The following ATF7IP variants were observed in gnomAD, a reference collection of about 807,000 sequenced individuals.
The protein encoded by ATF7IP is activating transcription factor 7-interacting protein 1.
ATF7IP carries 23 observed loss-of-function variants against 106.4 expected under a neutral mutation model. That is an observed-to-expected ratio of 0.22 (90% CI 0.16 to 0.31). ATF7IP has a LOEUF of 0.31. Ranked by LOEUF, ATF7IP falls within the 10% of genes least tolerant of loss-of-function variation. ATF7IP has a pLI of 1.00. For missense variants in ATF7IP, 1,334 were observed against 1,524.3 expected (o/e 0.88, Z 2.08); for synonymous variants, 542 against 539.0 (o/e 1.01, Z -0.08).
intron 5 of ATF7IP, among the ~76,000 whole-genome samples, chr12:14,441,769 G>A (rs1591868111): frequency 6.6e-6 from 1 of 152,030 alleles, no homozygotes; most frequent in African/African-American, 2.4e-5. Flanking sequence ...GATTACAGGC[G>A]TGAGCCACCG....
chr12:14,366,487 A>G (rs574619100), intron 1 of ATF7IP, among the ~76,000 whole-genome samples: 1 of 152,350 alleles, frequency 6.6e-6, no homozygotes, highest in East Asian at 1.9e-4. Context: ...ATATTGGGGG[A>G]ACGGGAATAG....
intron 13 of ATF7IP, 77 bp downstream of exon 13, chr12:14,481,262 A>G (rs778458639): frequency 7.9e-6 from 12 of 1,528,450 alleles, no homozygotes; most frequent in Admixed American, 6.1e-5. Context: ...GCATATAATA[A>G]TGTTAAATTT....
chr12:14,433,983 G>GT (rs1404233646), intron 2 of ATF7IP, among the ~76,000 whole-genome samples: 1 of 152,034 alleles, frequency 6.6e-6, no homozygotes, highest in Non-Finnish European at 1.5e-5. Context: ...CACTATTTTA[G>GT]TTTTAATTAT....
chr12:14,406,060 T>C (rs1310177214), intron 1 of ATF7IP, among the ~76,000 whole-genome samples: 4 of 152,184 alleles, frequency 2.6e-5, no homozygotes, highest in Non-Finnish European at 5.9e-5. Context: ...TAAAGTGATA[T>C]TTGATATATG....
At chr12:14,441,755 C>T (rs1160931533) in intron 5 of ATF7IP, among the ~76,000 whole-genome samples, 1 of 152,172 alleles carries the variant, frequency 6.6e-6, no homozygotes, top group African/African-American at 2.4e-5. Context: ...TCCCAAAGTG[C>T]TGGGATTACA....
chr12:14,435,401 CATA>C (rs1232544188), intron 3 of ATF7IP, among the ~76,000 whole-genome samples: 1 of 152,106 alleles, frequency 6.6e-6, no homozygotes, highest in Non-Finnish European at 1.5e-5. Flanking sequence ...GGCATGGTCA[CATA>C]AGAGCATTTG....
chr12:14,495,822 G>GC (rs1452337936), intron 13 of ATF7IP, among the ~76,000 whole-genome samples: 1 of 152,080 alleles, frequency 6.6e-6, no homozygotes, highest in Non-Finnish European at 1.5e-5. Flanking sequence ...CTCCATTATG[G>GC]CCATTTACCT....
intron 12 of ATF7IP, among the ~76,000 whole-genome samples, chr12:14,479,770 C>T (rs1387463259): frequency 6.6e-6 from 1 of 151,346 alleles, no homozygotes; most frequent in Non-Finnish European, 1.5e-5. Flanking sequence ...AAGAATGTGC[C>T]TATGTGACTT....
intron 10 of ATF7IP, 28 bp from the exon 11 acceptor site, chr12:14,475,862 T>G (rs1407640053): frequency 5.0e-6 from 8 of 1,584,238 alleles, no homozygotes; most frequent in African/African-American, 1.4e-5. Context: ...GAGTTTTCTT[T>G]GTAAAATGTA....
intron 11 of ATF7IP, among the ~76,000 whole-genome samples, chr12:14,477,585 T>C (rs1174588546): frequency 6.6e-6 from 1 of 152,222 alleles, no homozygotes; most frequent in Non-Finnish European, 1.5e-5. Context: ...TGGGGTCTTT[T>C]TGTTGCCCCA....
intron 1 of ATF7IP, among the ~76,000 whole-genome samples, chr12:14,392,019 C>T (rs1004496826): frequency 2.6e-5 from 4 of 152,108 alleles, no homozygotes; most frequent in Non-Finnish European, 4.4e-5. Context: ...CCATGCCTGG[C>T]CAAGTCTTAG....
intron 1 of ATF7IP, among the ~76,000 whole-genome samples, chr12:14,399,794 G>T (rs577812719): frequency 1.2e-4 from 19 of 152,098 alleles, no homozygotes; most frequent in African/African-American, 4.1e-4. Context: ...AGTGTTTTTT[G>T]TGGGATTTGG....
chr12:14,470,204 AT>A (rs1364404555), intron 10 of ATF7IP, among the ~76,000 whole-genome samples: 2 of 152,166 alleles, frequency 1.3e-5, no homozygotes, highest in African/African-American at 4.8e-5. Context: ...CTTTCTTCAC[AT>A]TTGCTGAAGT....
intron 5 of ATF7IP, among the ~76,000 whole-genome samples, chr12:14,446,771 T>C (rs948964720): frequency 6.6e-5 from 10 of 152,228 alleles, no homozygotes; most frequent in African/African-American, 2.4e-4. Context: ...TAAGAGTGTT[T>C]ACATCTGAGT....
At chr12:14,416,182 A>G (rs568480486) in intron 1 of ATF7IP, among the ~76,000 whole-genome samples, 2 of 152,320 alleles carry the variant, frequency 1.3e-5, no homozygotes, top group East Asian at 1.9e-4. Flanking sequence ...ATAAAATCAT[A>G]CAGTTTTCAA....
At chr12:14,468,349 A>G (rs1316511743) in intron 10 of ATF7IP, among the ~76,000 whole-genome samples, 1 of 151,680 alleles carries the variant, frequency 6.6e-6, no homozygotes, top group Non-Finnish European at 1.5e-5. Flanking sequence ...ATATAATATA[A>G]GACACTTGAG....
At chr12:14,408,326 G>T (rs575512766) in intron 1 of ATF7IP, among the ~76,000 whole-genome samples, 4 of 151,912 alleles carry the variant, frequency 2.6e-5, no homozygotes, top group Admixed American at 6.6e-5. Flanking sequence ...TTTTATATTC[G>T]CATCTATTCT....
intron 1 of ATF7IP, among the ~76,000 whole-genome samples, chr12:14,376,638 A>G (rs533206005): frequency 1.3e-5 from 2 of 152,296 alleles, no homozygotes; most frequent in African/African-American, 4.8e-5. Context: ...CAGTACCTAT[A>G]ATTGTAGGGT....
Position 14,424,948 on chromosome 12 carries a change from A to G in ATF7IP, c.1033A>G (p.Ile345Val). The stretch of plus-strand genomic sequence containing the variant: ...TGAGAAAAATAAAGCTGATAATAAT[A>G]TTGATGCTAATGAAGAAACTCTAGA... The part of the protein sequence containing the change: ...LDEKNKADNN[I>V]DANEETLETD... Residue 345 changes from isoleucine to valine, a missense_variant, in exon 2 of 15, where the codon ATT (isoleucine) becomes GTT (valine). Physicochemically the swap from Ile to Val is conservative, Grantham distance 29. Coordinates refer to ENST00000261168, the MANE Select transcript of ATF7IP (RefSeq NM_018179.5). 6.2e-7 allele frequency: 1 copy of G among 1,607,056 alleles called. No individual in the cohort carries two copies. Among genetic ancestry groups the G allele is most frequent in the Non-Finnish European group, 8.5e-7 (1 of 1,178,276 alleles).
Sources: allele counts gnomAD v4.1 joint callset (sites outside exome capture counted in the v4.1 genomes callset), GRCh38; gene constraint gnomAD v4.1.1; transcripts MANE v1.5; gene names NCBI Gene and HGNC (gene_info 2026-07-23, HGNC 2026-07-21).